The following CHCHD3 variants were observed in gnomAD, a reference collection of about 807,000 sequenced individuals.
CHCHD3 encodes the protein coiled-coil-helix-coiled-coil-helix domain containing 3, also known as MICOS complex subunit MIC19.
Under a neutral mutation model 38.2 loss-of-function variants are expected in CHCHD3, and 20 were observed. The ratio of observed to expected loss-of-function variants is 0.52; its 90% CI spans 0.37 to 0.76. The LOEUF is 0.76. Among genes scored for constraint, CHCHD3 ranks in the 30% least tolerant of loss-of-function variants. The pLI, the probability that CHCHD3 is intolerant of heterozygous loss-of-function variation, is 0.00. For synonymous variants in CHCHD3, 82 were observed against 100.0 expected, an observed-to-expected ratio of 0.82 and a Z score of 1.07; for missense variants, 245 against 279.2, an observed-to-expected ratio of 0.88 and a Z score of 0.87.
At chr7:133,018,149 C>T (rs1269436144) in intron 3 of CHCHD3, among the ~76,000 whole-genome samples, 2 of 152,002 alleles carry the variant, frequency 1.3e-5, no homozygotes, top group Non-Finnish European at 2.9e-5. Flanking sequence ...AATAGTGGGA[C>T]TTTTATACTA....
In CHCHD3 at chr7:132,838,511, T is replaced by A. The variant is rs1487776762; in HGVS notation, c.454-42A>T. 6 of 1,391,766 alleles carry A rather than the reference T, an allele frequency of 4.3e-6. No individual in the cohort carries two copies. The African/African-American group carries it at 7.2e-5, about 17-fold the overall frequency. 86.2% of individuals were successfully genotyped at this position (1,391,766 alleles called of 1,614,324 possible). ...ATAGCAAAGGTTTCACTATCCAAGA[T>A]GACAAAATGTGTGGAAGATTTACAA... On this transcript the variant is annotated intron_variant, in intron 5 of 7. Transcript: ENST00000262570.
At chr7:133,055,351 G>A (rs1814287952) in intron 2 of CHCHD3, among the ~76,000 whole-genome samples, 1 of 143,018 alleles carries the variant, frequency 7.0e-6, no homozygotes, top group Non-Finnish European at 1.5e-5. Flanking sequence ...ATAATTAGTT[G>A]TATTATATAT....
chr7:133,037,751 C>T (rs918750349), intron 2 of CHCHD3, among the ~76,000 whole-genome samples: 9 of 152,044 alleles, frequency 5.9e-5, no homozygotes, highest in African/African-American at 1.7e-4. Context: ...AAGCAGAGGT[C>T]GCAGTGAGCC....
chr7:132,860,918 C>G (rs2117132331), intron 5 of CHCHD3, among the ~76,000 whole-genome samples: 1 of 152,326 alleles, frequency 6.6e-6, no homozygotes, highest in South Asian at 2.1e-4. Context: ...GCCACCACTC[C>G]CGGCCCAGAC....
At chr7:132,915,391 T>G (rs1810077889) in intron 4 of CHCHD3, among the ~76,000 whole-genome samples, 1 of 152,144 alleles carries the variant, frequency 6.6e-6, no homozygotes, top group South Asian at 2.1e-4. Flanking sequence ...GGAGGGCAGA[T>G]GAGGATGATT....
At chr7:132,980,034 C>T (rs1468188270) in intron 3 of CHCHD3, among the ~76,000 whole-genome samples, 5 of 152,132 alleles carry the variant, frequency 3.3e-5, no homozygotes, top group Non-Finnish European at 5.9e-5. Context: ...GGTTTTATAC[C>T]GCATGGAGCT....
At chr7:132,976,463 C>T (rs955927251) in intron 3 of CHCHD3, among the ~76,000 whole-genome samples, 5 of 152,102 alleles carry the variant, frequency 3.3e-5, no homozygotes, top group Admixed American at 2.6e-4. Context: ...TACTTTGGCA[C>T]TGATTTTTGC....
At chr7:132,845,565 AACAT>A (rs1254675379) in intron 5 of CHCHD3, among the ~76,000 whole-genome samples, 17 of 152,208 alleles carry the variant, frequency 1.1e-4, no homozygotes, top group African/African-American at 4.1e-4. Flanking sequence ...TCAAACCAAT[AACAT>A]TTGACCTTAT....
intron 4 of CHCHD3, among the ~76,000 whole-genome samples, chr7:132,915,138 CAA>C (rs201294940): frequency 7.5e-6 from 1 of 133,388 alleles, no homozygotes; most frequent in Non-Finnish European, 1.6e-5. Flanking sequence ...TACTCCATCT[CAA>C]AAAAAAAAAA....
intron 4 of CHCHD3, among the ~76,000 whole-genome samples, chr7:132,893,366 A>G (rs142927449): frequency 2.0e-5 from 3 of 152,290 alleles, no homozygotes; most frequent in African/African-American, 7.2e-5. Flanking sequence ...CGCTTACCCA[A>G]TGCCAGTACC....
intron 5 of CHCHD3, among the ~76,000 whole-genome samples, chr7:132,860,613 A>G (rs1245377011): frequency 6.6e-6 from 1 of 151,830 alleles, no homozygotes; most frequent in Non-Finnish European, 1.5e-5. Context: ...CAGCAAAGAA[A>G]CGATATAATC....
chr7:133,027,426 AAGGAAGGG>A (rs1159465367), intron 2 of CHCHD3, among the ~76,000 whole-genome samples: 3 of 103,688 alleles, frequency 2.9e-5, no homozygotes, highest in Non-Finnish European at 4.2e-5. Context: ...GAAGAGAAGG[AAGGAAGGG>A]AGGGAGGGAG....
intron 2 of CHCHD3, among the ~76,000 whole-genome samples, chr7:133,027,259 T>C (rs925744087): frequency 2.0e-5 from 3 of 151,894 alleles, no homozygotes; most frequent in Admixed American, 2.0e-4. Flanking sequence ...TAAAACTAGA[T>C]TGTGTGATGG....
chr7:132,864,671 T>C (rs1307861160), intron 5 of CHCHD3, among the ~76,000 whole-genome samples: 1 of 152,184 alleles, frequency 6.6e-6, no homozygotes, highest in Non-Finnish European at 1.5e-5. Flanking sequence ...AAGAGAAATG[T>C]ACCCCAAGTC....
At chr7:132,901,491 A>AG (rs1409802438) in intron 4 of CHCHD3, among the ~76,000 whole-genome samples, 2 of 152,216 alleles carry the variant, frequency 1.3e-5, no homozygotes, top group African/African-American at 2.4e-5. Context: ...GGAGGGAGGC[A>AG]GGGGGTCCTC....
chr7:132,834,896 C>T (rs1375762697), intron 6 of CHCHD3, among the ~76,000 whole-genome samples: 1 of 152,072 alleles, frequency 6.6e-6, no homozygotes, highest in East Asian at 1.9e-4. Flanking sequence ...TGAACTGATA[C>T]CACATGGTCC....
intron 4 of CHCHD3, among the ~76,000 whole-genome samples, chr7:132,895,708 G>T (rs770109131): frequency 3.3e-5 from 5 of 152,236 alleles, no homozygotes; most frequent in Non-Finnish European, 7.3e-5. Flanking sequence ...CTGCCACTAT[G>T]TAAGAAGTGA....
intron 2 of CHCHD3, among the ~76,000 whole-genome samples, chr7:133,024,953 C>G (rs1458227446): frequency 6.6e-6 from 1 of 151,974 alleles, no homozygotes; most frequent in African/African-American, 2.4e-5. Flanking sequence ...TAAAGTCTGA[C>G]AACGGTGTGT....
chr7:133,010,086 C>A (rs1212159302), intron 3 of CHCHD3, among the ~76,000 whole-genome samples: 1 of 152,196 alleles, frequency 6.6e-6, no homozygotes, highest in African/African-American at 2.4e-5. Context: ...CTATGAAAAT[C>A]TGAAATGTTG....
Sources: gnomAD v4.1 joint callset for allele counts (sites outside exome capture counted in the v4.1 genomes callset) on GRCh38, gnomAD v4.1.1 for gene constraint, MANE v1.5 for transcripts, NCBI Gene and HGNC (gene_info 2026-07-23, HGNC 2026-07-21) for gene names.